GIPC2: variants seen among roughly 807,000 people sequenced by gnomAD.
GIPC2 encodes the protein PDZ domain-containing protein GIPC2.
Under a neutral mutation model 30.6 loss-of-function variants are expected in GIPC2, and 30 were observed. The observed-to-expected ratio is 0.98, with a 90% CI of 0.73 to 1.33. The LOEUF is 1.33. Among genes scored for constraint, GIPC2 ranks in the 40% most tolerant of loss-of-function variants. The probability of loss-of-function intolerance (pLI) is 0.00; values close to 1 mark genes in which losing one functional copy is unlikely to be tolerated. For synonymous variants in GIPC2, 167 were observed against 150.0 expected (o/e 1.11, Z -0.83); for missense variants, 414 against 390.3 (o/e 1.06, Z -0.51).
chr1:78,061,563 C>T (rs1311453550), intron 1 of GIPC2, among the ~76,000 whole-genome samples: 3 of 151,336 alleles, frequency 2.0e-5, no homozygotes, highest in African/African-American at 7.3e-5. Context: ...TGCAGTGGTG[C>T]GATCTGGGCT....
chr1:78,083,996 C>T (rs1006442588), intron 2 of GIPC2, among the ~76,000 whole-genome samples: 3 of 145,586 alleles, frequency 2.1e-5, no homozygotes, highest in African/African-American at 7.4e-5. Flanking sequence ...TGTGCTCATA[C>T]ACTGAAGTCA....
intron 5 of GIPC2, among the ~76,000 whole-genome samples, chr1:78,129,727 A>G (rs1213723264): frequency 6.6e-6 from 1 of 152,198 alleles, no homozygotes; most frequent in East Asian, 1.9e-4. Flanking sequence ...TGAGTCCTAT[A>G]AGACCTCACA....
At chr1:78,133,304 G>T (rs1357873996) in intron 5 of GIPC2, among the ~76,000 whole-genome samples, 2 of 152,196 alleles carry the variant, frequency 1.3e-5, no homozygotes, top group African/African-American at 2.4e-5. Context: ...TGTTGAATTT[G>T]CAGTCTAAGA....
intron 1 of GIPC2, among the ~76,000 whole-genome samples, chr1:78,067,150 T>TA (rs113362085): frequency 0.023 from 3,576 of 152,220 alleles, 162 homozygotes; most frequent in African/African-American, 0.082. Context: ...TAGAGTCCTA[T>TA]AGCAGGTGCA....
At chr1:78,081,705 C>T (rs1387462298) in intron 2 of GIPC2, among the ~76,000 whole-genome samples, 1 of 152,102 alleles carries the variant, frequency 6.6e-6, no homozygotes, top group Admixed American at 6.5e-5. Context: ...AAGGTAGTCT[C>T]ATCTCTTAAA....
At chr1:78,104,514 C>T (rs764527656) in intron 3 of GIPC2, among the ~76,000 whole-genome samples, 2 of 151,986 alleles carry the variant, frequency 1.3e-5, no homozygotes, top group Admixed American at 1.3e-4. Flanking sequence ...GAGGATAAAC[C>T]ATGTAAGAGG....
At chr1:78,133,731 T>C (rs953515625) in intron 5 of GIPC2, among the ~76,000 whole-genome samples, 1 of 148,934 alleles carries the variant, frequency 6.7e-6, no homozygotes, top group Admixed American at 6.8e-5. Context: ...TAAACATTGG[T>C]TACACAAGGA....
In GIPC2 at chr1:78,065,751, T is replaced by C. The variant is rs570132500; in HGVS notation, c.241-14924T>C. ...GAACCCAGAAGTAAGGCTGCATGCC[T>C]ACAATTATCTGGTCCTTGACATACC... is the stretch of plus-strand genomic sequence containing the variant. On this transcript the variant is annotated intron_variant, in intron 1 of 5. Coordinates refer to ENST00000370759, the MANE Select transcript of GIPC2 (RefSeq NM_017655.6). 9.2e-5 allele frequency among the ~76,000 whole-genome samples: 14 copies of C among 152,254 alleles called. No individual in the cohort carries two copies. The East Asian group carries it at 2.5e-3, about 27-fold the overall frequency.
At chr1:78,097,946 A>G (rs1222841958) in intron 3 of GIPC2, among the ~76,000 whole-genome samples, 1 of 152,224 alleles carries the variant, frequency 6.6e-6, no homozygotes, top group African/African-American at 2.4e-5. Flanking sequence ...TGGGGAAGGC[A>G]GGCTATATGA....
At chr1:78,112,610 C>G (rs748344235) in intron 3 of GIPC2, 3 of 511,728 alleles carry the variant, frequency 5.9e-6, no homozygotes, top group Non-Finnish European at 1.2e-5. Flanking sequence ...ACAGCCTCCC[C>G]ACTGCTTGGT....
At chr1:78,056,040 C>T (rs1661289017) in intron 1 of GIPC2, among the ~76,000 whole-genome samples, 1 of 152,164 alleles carries the variant, frequency 6.6e-6, no homozygotes, top group South Asian at 2.1e-4. Flanking sequence ...CCTGAAGCCT[C>T]CCCACTACCT....
At chr1:78,048,291 G>T (rs1338057452) in intron 1 of GIPC2, among the ~76,000 whole-genome samples, 1 of 152,118 alleles carries the variant, frequency 6.6e-6, no homozygotes, top group East Asian at 1.9e-4. Flanking sequence ...TAAGAAGTAA[G>T]TATTATTATT....
In GIPC2 at chr1:78,094,713, A is replaced by G. The variant is rs562054631; in HGVS notation, c.427-239A>G. 12 of 293,808 alleles carry G rather than the reference A, an allele frequency of 4.1e-5. No homozygotes were observed. The East Asian group carries it at 5.5e-4, about 13-fold the overall frequency. The allele number at this position is 293,808 out of a possible 1,614,324, so 18.2% of individuals were successfully genotyped here. The stretch of plus-strand genomic sequence containing the variant: ...GTGGTTCTTGGTTGCTCAGTCTTCC[A>G]TCTCTAACTGAGCATCAGACTGCAT... On this transcript the variant is annotated intron_variant, in intron 2 of 5. Transcript: ENST00000370759.
intron 1 of GIPC2, among the ~76,000 whole-genome samples, chr1:78,050,629 C>CT (rs562172009): frequency 0.026 from 3,801 of 145,932 alleles, 45 homozygotes; most frequent in Middle Eastern, 0.079. Flanking sequence ...TACATACCAT[C>CT]TTTTTTTTTT....
chr1:78,061,700 A>G (rs1311464988), intron 1 of GIPC2, among the ~76,000 whole-genome samples: 1 of 85,200 alleles, frequency 1.2e-5, no homozygotes, highest in Non-Finnish European at 3.9e-5. Flanking sequence ...ACTAATTTTA[A>G]ACAGGCCCCA....
At chr1:78,087,245 A>T (rs376584985) in intron 2 of GIPC2, among the ~76,000 whole-genome samples, 7 of 152,338 alleles carry the variant, frequency 4.6e-5, no homozygotes, top group African/African-American at 1.7e-4. Context: ...AAATTATTTT[A>T]AAATTCATAT....
intron 1 of GIPC2, among the ~76,000 whole-genome samples, chr1:78,071,292 ATAATT>A (rs900633895): frequency 5.9e-5 from 9 of 152,158 alleles, no homozygotes; most frequent in Non-Finnish European, 2.9e-5. Context: ...ATCATTTATA[ATAATT>A]TAAATTAAAT....
chr1:78,120,403 T>C (rs1355066684), intron 4 of GIPC2, among the ~76,000 whole-genome samples: 1 of 152,154 alleles, frequency 6.6e-6, no homozygotes, highest in Non-Finnish European at 1.5e-5. Context: ...TTGCCATCAT[T>C]AGGTTTCTGC....
intron 3 of GIPC2, among the ~76,000 whole-genome samples, chr1:78,109,116 G>A (rs1662415767): frequency 6.6e-6 from 1 of 152,198 alleles, no homozygotes; most frequent in Admixed American, 6.5e-5. Context: ...CAAGATGGTG[G>A]TCAGCAACTG....
Sources: gnomAD v4.1 joint callset for allele counts (sites outside exome capture counted in the v4.1 genomes callset) on GRCh38, gnomAD v4.1.1 for gene constraint, MANE v1.5 for transcripts, NCBI Gene and HGNC (gene_info 2026-07-23, HGNC 2026-07-21) for gene names.